The following RGS22 variants were observed in gnomAD, a reference collection of about 807,000 sequenced individuals.
The protein encoded by RGS22 is regulator of G-protein signaling 22.
RGS22 carries 148 observed loss-of-function variants against 172.9 expected under a neutral mutation model. The ratio of observed to expected loss-of-function variants is 0.86; its 90% CI spans 0.75 to 0.98. The LOEUF is 0.98. Ranked by LOEUF, RGS22 falls within the 50% of genes least tolerant of loss-of-function variation. RGS22 has a pLI of 0.00. For missense variants in RGS22, 1,347 were observed against 1,440.8 expected (o/e 0.93, Z 1.05); for synonymous variants, 458 against 480.2 (o/e 0.95, Z 0.60).
intron 23 of RGS22, among the ~76,000 whole-genome samples, chr8:99,966,221 G>A (rs1810714215): frequency 6.6e-6 from 1 of 152,158 alleles, no homozygotes; most frequent in Non-Finnish European, 1.5e-5. Context: ...GGAGCTAAAT[G>A]ATGGGTACAC....
At chr8:100,027,247 G>A (rs1471210780) in intron 14 of RGS22, among the ~76,000 whole-genome samples, 1 of 151,904 alleles carries the variant, frequency 6.6e-6, no homozygotes, top group Non-Finnish European at 1.5e-5. Context: ...AAAAAAAAAA[G>A]AGAGAGACAT....
At chr8:100,062,446 G>C (rs1689805325) in intron 9 of RGS22, 145 bp downstream of exon 9, 3 of 561,336 alleles carry the variant, frequency 5.3e-6, no homozygotes, top group Non-Finnish European at 9.4e-6. Context: ...ATTATCTAAA[G>C]GACAAGTACC....
At chr8:99,992,806 A>C (rs1365828628) in intron 20 of RGS22, among the ~76,000 whole-genome samples, 1 of 152,214 alleles carries the variant, frequency 6.6e-6, no homozygotes, top group African/African-American at 2.4e-5. Flanking sequence ...AAATCAACAG[A>C]ATATACATTC....
intron 2 of RGS22, among the ~76,000 whole-genome samples, chr8:100,098,855 TTATTTTA>T (rs750977931): frequency 0.16 from 4,238 of 25,862 alleles, 478 homozygotes; most frequent in African/African-American, 0.47. Context: ...ATTTATTTTA[TTATTTTA>T]TTTATTTTAT....
At chr8:100,034,539 T>C (rs202122333) in intron 14 of RGS22, among the ~76,000 whole-genome samples, 2 of 152,056 alleles carry the variant, frequency 1.3e-5, no homozygotes, top group African/African-American at 2.4e-5. Context: ...GGCCATACTG[T>C]CCAAGGTAAT....
At chr8:100,033,479 G>A (rs986014321) in intron 14 of RGS22, among the ~76,000 whole-genome samples, 1 of 150,950 alleles carries the variant, frequency 6.6e-6, no homozygotes, top group Non-Finnish European at 1.5e-5. Flanking sequence ...AAGAAGTTGA[G>A]TCTCTGAATA....
At chr8:99,970,510 G>T (rs537032139) in intron 23 of RGS22, among the ~76,000 whole-genome samples, 11 of 151,880 alleles carry the variant, frequency 7.2e-5, no homozygotes, top group African/African-American at 2.2e-4. Context: ...AAAGAGAGAA[G>T]AATCAAATAG....
rs985543072 is a variant in RGS22, at chr8:99,962,869, A to T, written c.3709+16T>A. On this transcript the variant is annotated intron_variant, in intron 25 of 27. Transcript: ENST00000360863. ...AAGATAAAAAAGTAAACTTGTAGGC[A>T]GAAGGCAAAAATTACCTGCAAACAA... 9.5e-6 allele frequency: 15 copies of T among 1,586,138 alleles called. No individual in the cohort carries two copies. Among genetic ancestry groups the T allele is most frequent in the Non-Finnish European group, 1.3e-5 (15 of 1,172,996 alleles).
intron 22 of RGS22, among the ~76,000 whole-genome samples, chr8:99,980,544 T>C (rs1456506743): frequency 3.3e-5 from 5 of 152,164 alleles, no homozygotes; most frequent in African/African-American, 1.2e-4. Context: ...TAGGAGGCAA[T>C]GCCATTCTCT....
At chr8:99,962,580 G>A (rs985105524) in intron 26 of RGS22, 107 bp downstream of exon 26, 4 of 1,386,996 alleles carry the variant, frequency 2.9e-6, no homozygotes, top group Admixed American at 1.8e-5. Flanking sequence ...GGGTGGAGGG[G>A]TCGGTCCTCA....
chr8:100,072,238 A>G lies in RGS22; in HGVS notation c.340-8T>C. On this transcript the variant is annotated splice_polypyrimidine_tract_variant and splice_region_variant and intron_variant, in intron 4 of 27. Transcript: ENST00000360863. ...TTCTTCACGACTGAGACACTATGAG[A>G]AGAAAGAGAAAAAGAAAAAGAAGGT... is the stretch of plus-strand genomic sequence containing the variant. 1.3e-6 allele frequency: 2 copies of G among 1,539,754 alleles called. No individual in the cohort carries two copies. The highest frequency in any genetic ancestry group is 1.8e-6 in the Non-Finnish European group (2 of 1,135,496).
At chr8:100,055,377 G>A (rs1183397917) in intron 9 of RGS22, among the ~76,000 whole-genome samples, 2 of 152,170 alleles carry the variant, frequency 1.3e-5, no homozygotes, top group Non-Finnish European at 2.9e-5. Flanking sequence ...GATATTGTCC[G>A]AGACCATCCA....
chr8:100,058,184 AAAC>A (rs1165033241), intron 9 of RGS22, among the ~76,000 whole-genome samples: 2 of 149,670 alleles, frequency 1.3e-5, no homozygotes, highest in African/African-American at 2.5e-5. Flanking sequence ...AAAAAAAAAA[AAAC>A]AACAACAATA....
chr8:100,003,912 G>A lies in RGS22; in HGVS notation c.2627+14C>T. 1 of 1,590,410 alleles carries A rather than the reference G, an allele frequency of 6.3e-7. No individual in the cohort carries two copies. The highest frequency in any genetic ancestry group is 1.7e-4 in the Middle Eastern group (1 of 5,954). ...AAATGTTTTCAGTGAGAAATATATG[G>A]TTATGTCCCTCACCTTGAAGAATGA... On this transcript the variant is annotated intron_variant, in intron 17 of 27. Transcript: ENST00000360863.
intron 23 of RGS22, among the ~76,000 whole-genome samples, chr8:99,976,070 G>C (rs1304014507): frequency 3.9e-5 from 6 of 151,916 alleles, no homozygotes; most frequent in Non-Finnish European, 7.4e-5. Flanking sequence ...TGTGCCTGTA[G>C]TCCCAGCTAC....
intron 3 of RGS22, among the ~76,000 whole-genome samples, chr8:100,084,132 C>T (rs1044271167): frequency 3.9e-5 from 6 of 152,144 alleles, no homozygotes; most frequent in South Asian, 2.1e-4. Context: ...CCACCACGCC[C>T]GGCCACATAA....
chr8:99,994,867 A>C (rs1213018661), intron 20 of RGS22, among the ~76,000 whole-genome samples: 1 of 152,222 alleles, frequency 6.6e-6, no homozygotes, highest in African/African-American at 2.4e-5. Context: ...TTCAAACTAC[A>C]TTGCAAGTCT....
intron 2 of RGS22, among the ~76,000 whole-genome samples, chr8:100,103,803 G>A (rs1475836326): frequency 1.3e-5 from 2 of 152,196 alleles, no homozygotes; most frequent in Non-Finnish European, 2.9e-5. Flanking sequence ...GTGAAACCAA[G>A]CCAAGAGAAA....
intron 20 of RGS22, among the ~76,000 whole-genome samples, chr8:99,988,947 C>A (rs190512602): frequency 1.3e-5 from 2 of 151,978 alleles, no homozygotes; most frequent in Admixed American, 1.3e-4. Context: ...TATTTAAAAC[C>A]CACTCAGCAA....
Sources: allele counts gnomAD v4.1 joint callset (sites outside exome capture counted in the v4.1 genomes callset), GRCh38; gene constraint gnomAD v4.1.1; transcripts MANE v1.5; gene names NCBI Gene and HGNC (gene_info 2026-07-23, HGNC 2026-07-21).